XPR1: variants seen among roughly 807,000 people sequenced by gnomAD.
The protein encoded by XPR1 is solute carrier family 53 member 1.
A neutral mutation model predicts 87.5 loss-of-function variants in XPR1; 28 were observed. The observed-to-expected ratio is 0.32, with a 90% CI of 0.24 to 0.44. The LOEUF (loss-of-function observed/expected upper bound fraction) is 0.44. Ranked by LOEUF, XPR1 falls within the 20% of genes least tolerant of loss-of-function variation. The pLI, the probability that XPR1 is intolerant of heterozygous loss-of-function variation, is 1.00. For missense variants in XPR1, 559 were observed against 862.3 expected (o/e 0.65, Z 4.41); for synonymous variants, 300 against 306.1 (o/e 0.98, Z 0.21).
intron 2 of XPR1, among the ~76,000 whole-genome samples, chr1:180,768,106 C>T (rs1443166869): frequency 1.3e-5 from 2 of 152,040 alleles, no homozygotes; most frequent in Non-Finnish European, 2.9e-5. Flanking sequence ...GGCCTCCCAA[C>T]GTGCTGGGAT....
intron 11 of XPR1, among the ~76,000 whole-genome samples, chr1:180,858,853 C>T (rs190316612): frequency 7.2e-5 from 11 of 152,298 alleles, no homozygotes; most frequent in Admixed American, 7.2e-4. Context: ...AACTAAAACA[C>T]ACTAAAGATC....
chr1:180,710,824 G>A (rs989515548), intron 2 of XPR1, among the ~76,000 whole-genome samples: 11 of 150,928 alleles, frequency 7.3e-5, no homozygotes, highest in African/African-American at 2.7e-4. Flanking sequence ...CTGGCTGGGC[G>A]GGGGCTGCCC....
intron 2 of XPR1, among the ~76,000 whole-genome samples, chr1:180,755,780 C>G (rs1198031634): frequency 6.6e-6 from 1 of 151,964 alleles, no homozygotes; most frequent in East Asian, 1.9e-4. Flanking sequence ...TGCTTCTAAC[C>G]CCACTTTTCT....
intron 12 of XPR1, among the ~76,000 whole-genome samples, chr1:180,872,558 C>G (rs535424089): frequency 1.2e-5 from 1 of 84,442 alleles, no homozygotes; most frequent in East Asian, 3.0e-4. Flanking sequence ...GCGCAATATT[C>G]GGGTGGGAGT....
intron 2 of XPR1, among the ~76,000 whole-genome samples, chr1:180,774,414 G>A (rs1472804623): frequency 1.7e-5 from 2 of 116,794 alleles, no homozygotes; most frequent in Admixed American, 1.0e-4. Context: ...TTTTGAGATG[G>A]AAGTCTTGGT....
At chr1:180,719,237 A>T (rs1658099686) in intron 2 of XPR1, among the ~76,000 whole-genome samples, 1 of 152,240 alleles carries the variant, frequency 6.6e-6, no homozygotes, top group Non-Finnish European at 1.5e-5. Context: ...TTAAATGTTT[A>T]TGTGATAATT....
At chr1:180,873,749 C>T in intron 12 of XPR1, 54 bp from the exon 13 acceptor site, 2 of 1,588,210 alleles carry the variant, frequency 1.3e-6, no homozygotes, top group South Asian at 2.3e-5. Context: ...ATTGGTATGC[C>T]TATTTATGAG....
In XPR1 at chr1:180,701,852, G is replaced by T. The variant is rs1415682872; in HGVS notation, c.121+19441G>T. On this transcript the variant is annotated intron_variant, in intron 2 of 14. Transcript: ENST00000367590. ...TTTTTTCTTTATTAGTCTTGCTAGC[G>T]GTCTATCAATTTTGTTGATCCTTTC... Among the ~76,000 whole-genome samples, 2 of 134,630 alleles carry T rather than the reference G, an allele frequency of 1.5e-5. 1 individual carries two copies. Among genetic ancestry groups the T allele is most frequent in the African/African-American group, 6.4e-5 (2 of 31,256 alleles). The allele number at this position is 134,630 out of a possible 152,430, so 88.3% of individuals were successfully genotyped here.
chr1:180,634,526 G>A (rs1055822954), intron 1 of XPR1, among the ~76,000 whole-genome samples: 3 of 151,992 alleles, frequency 2.0e-5, no homozygotes, highest in South Asian at 2.1e-4. Context: ...TGGGGAAAAA[G>A]GACATCCATA....
At chr1:180,790,966 A>G (rs1345165689) in intron 3 of XPR1, among the ~76,000 whole-genome samples, 1 of 152,210 alleles carries the variant, frequency 6.6e-6, no homozygotes, top group East Asian at 1.9e-4. Flanking sequence ...AGAAAGATAA[A>G]GAGGAACCAG....
chr1:180,723,700 T>A (rs1012404455), intron 2 of XPR1, among the ~76,000 whole-genome samples: 1 of 152,216 alleles, frequency 6.6e-6, no homozygotes, highest in African/African-American at 2.4e-5. Flanking sequence ...TCTCTGTCCT[T>A]TATCTGTTAT....
intron 2 of XPR1, among the ~76,000 whole-genome samples, chr1:180,735,371 A>G (rs1238787202): frequency 6.6e-6 from 1 of 152,236 alleles, no homozygotes; most frequent in Non-Finnish European, 1.5e-5. Context: ...CATGTATTCC[A>G]AACAAAAACA....
chr1:180,682,434 T>A (rs760900360), intron 2 of XPR1, 23 bp downstream of exon 2: 14 of 1,585,100 alleles, frequency 8.8e-6, no homozygotes, highest in Non-Finnish European at 1.1e-5. Context: ...AACCCTTAAG[T>A]TTAGTCACAG....
chr1:180,643,596 T>C (rs545219625), intron 1 of XPR1, among the ~76,000 whole-genome samples: 1 of 152,194 alleles, frequency 6.6e-6, no homozygotes, highest in Non-Finnish European at 1.5e-5. Context: ...GCAAGCCTGT[T>C]GACATAGGTG....
At chr1:180,855,392 C>T (rs558940393) in intron 11 of XPR1, among the ~76,000 whole-genome samples, 1 of 152,180 alleles carries the variant, frequency 6.6e-6, no homozygotes, top group South Asian at 2.1e-4. Context: ...TACAGCTGGG[C>T]ACAGTGGCTC....
chr1:180,790,984 G>T (rs1285309133), intron 3 of XPR1, among the ~76,000 whole-genome samples: 1 of 152,162 alleles, frequency 6.6e-6, no homozygotes, highest in African/African-American at 2.4e-5. Context: ...CAGCAATGTA[G>T]ACAGAGAAGA....
chr1:180,784,908 T>A (rs1649077413), intron 2 of XPR1, among the ~76,000 whole-genome samples: 1 of 151,972 alleles, frequency 6.6e-6, no homozygotes, highest in South Asian at 2.1e-4. Flanking sequence ...TTTTGAAATC[T>A]GAGAAAACAA....
intron 2 of XPR1, among the ~76,000 whole-genome samples, chr1:180,764,961 A>G (rs554183857): frequency 6.8e-6 from 1 of 147,530 alleles, no homozygotes; most frequent in East Asian, 2.0e-4. Flanking sequence ...AATTTTTTAT[A>G]TTTTTAGTAG....
chr1:180,754,177 C>A (rs1647637047), intron 2 of XPR1, among the ~76,000 whole-genome samples: 1 of 152,132 alleles, frequency 6.6e-6, no homozygotes, highest in South Asian at 2.1e-4. Flanking sequence ...GATAGAATGT[C>A]AGTTTCCTAA....
Sources: allele counts gnomAD v4.1 joint callset (sites outside exome capture counted in the v4.1 genomes callset), GRCh38; gene constraint gnomAD v4.1.1; transcripts MANE v1.5; gene names NCBI Gene and HGNC (gene_info 2026-07-23, HGNC 2026-07-21).